Variants in PKP2 observed in about 807,000 individuals in gnomAD.
The protein encoded by PKP2 is plakophilin-2.
PKP2 carries 73 observed loss-of-function variants against 83.4 expected under a neutral mutation model. The observed-to-expected ratio is 0.88, with a 90% CI of 0.72 to 1.06. The LOEUF is 1.06. PKP2 is among the 50% of genes least tolerant of loss of function. The pLI, the probability that PKP2 is intolerant of heterozygous loss-of-function variation, is 0.00. For synonymous variants in PKP2, 409 were observed against 430.4 expected, an observed-to-expected ratio of 0.95 and a Z score of 0.62; for missense variants, 966 against 1,065.4, an observed-to-expected ratio of 0.91 and a Z score of 1.30.
Position 32,878,022 on chromosome 12 carries a change from G to T in PKP2, c.858C>A (p.Ser286=). The change falls in exon 3 of 13, where the codon TCC becomes TCA. Residue 286 remains serine, a synonymous_variant. Transcript: ENST00000340811. The part of the protein sequence containing the change: ...PLQPVTQNRA[S]RSSWHQSSFH... ...AGGAGCTCTGATGCCAGGAGGACCT[G>T]GAAGCCCTGTTCTGAGTGACGGGCT... The T allele has an allele frequency of 6.2e-7, 1 of 1,613,976 alleles. No individual in the cohort carries two copies. The highest frequency in any genetic ancestry group is 8.5e-7 in the Non-Finnish European group (1 of 1,180,038).
At chr12:32,858,163 A>T (rs1426945440) in intron 4 of PKP2, among the ~76,000 whole-genome samples, 1 of 135,380 alleles carries the variant, frequency 7.4e-6, no homozygotes, top group Non-Finnish European at 1.6e-5. Context: ...AATATATATA[A>T]AAGCCAGGCG....
At chr12:32,869,619 A>G (rs1956880762) in intron 3 of PKP2, among the ~76,000 whole-genome samples, 1 of 151,308 alleles carries the variant, frequency 6.6e-6, no homozygotes, top group Non-Finnish European at 1.5e-5. Context: ...AAAAGAAAGA[A>G]AAAAGATAAA....
rs71457661 is a variant in PKP2 at position 32,890,036 on chromosome 12, A to G, written c.223+6473T>C. 6.2e-3 allele frequency among the ~76,000 whole-genome samples: 795 copies of G among 128,456 alleles called. 12 individuals carry two copies. Among genetic ancestry groups the G allele is most frequent in the African/African-American group, 0.022 (766 of 34,402 alleles). 84.3% of individuals were successfully genotyped at this position (128,456 alleles called of 152,430 possible). On this transcript the variant is annotated intron_variant, in intron 1 of 12. Transcript: ENST00000340811. ...GGTTGCAGTGAGCCGAGATTGTGCC[A>G]CCGCACTCCAGCCTGGGCATAGAGC...
chr12:32,812,882 A>T lies in PKP2; in HGVS notation c.2013+8474T>A, dbSNP rs530826615. Among the ~76,000 whole-genome samples, 3 of 152,344 alleles carry T rather than the reference A, an allele frequency of 2.0e-5. No homozygotes were observed. The East Asian group carries it at 5.8e-4, about 29-fold the overall frequency. Reference sequence around the variant, plus strand: ...CCAATTGACTTTCTGTAACCCACTTATAAGTTTGGATGTATATTCAGTCAA... The same window carrying T: ...CCAATTGACTTTCTGTAACCCACTTTTAAGTTTGGATGTATATTCAGTCAA... On this transcript the variant is annotated intron_variant, in intron 9 of 12. Coordinates refer to ENST00000340811, the MANE Select transcript of PKP2 (RefSeq NM_001005242.3).
intron 6 of PKP2, among the ~76,000 whole-genome samples, chr12:32,826,246 C>T (rs1956439890): frequency 1.4e-5 from 2 of 141,970 alleles, no homozygotes; most frequent in Admixed American, 7.5e-5. Flanking sequence ...GTGGAGCTTG[C>T]AGTGAGCCGA....
chr12:32,795,793 T>C (rs1253186151), intron 11 of PKP2, among the ~76,000 whole-genome samples: 1 of 152,208 alleles, frequency 6.6e-6, no homozygotes, highest in Non-Finnish European at 1.5e-5. Flanking sequence ...TCTGCTGTTA[T>C]TAAATCACAG....
At chr12:32,854,260 C>A (rs1214580807) in intron 4 of PKP2, among the ~76,000 whole-genome samples, 2 of 152,190 alleles carry the variant, frequency 1.3e-5, no homozygotes, top group Non-Finnish European at 2.9e-5. Flanking sequence ...ACCTTTATCA[C>A]CTTGGCTTTC....
At chr12:32,874,336 A>C (rs1956916122) in intron 3 of PKP2, among the ~76,000 whole-genome samples, 1 of 152,150 alleles carries the variant, frequency 6.6e-6, no homozygotes, top group Admixed American at 6.5e-5. Flanking sequence ...CGTGGAGCCC[A>C]GCAGAGGAAA....
intron 6 of PKP2, among the ~76,000 whole-genome samples, chr12:32,838,902 A>G (rs1234128533): frequency 4.6e-5 from 7 of 152,248 alleles, no homozygotes; most frequent in Non-Finnish European, 1.0e-4. Flanking sequence ...GAAGCTGGAA[A>G]ATGTTTCATA....
chr12:32,835,919 A>G (rs1480401454), intron 6 of PKP2, among the ~76,000 whole-genome samples: 2 of 152,160 alleles, frequency 1.3e-5, no homozygotes, highest in African/African-American at 2.4e-5. Context: ...TGTTGAGACT[A>G]CTGGCACACA....
At chr12:32,846,177 C>T (rs989466043) in intron 5 of PKP2, among the ~76,000 whole-genome samples, 7 of 152,056 alleles carry the variant, frequency 4.6e-5, no homozygotes, top group Non-Finnish European at 8.8e-5. Flanking sequence ...ATGACTTGTC[C>T]GTTTTAATCC....
At chr12:32,837,479 T>C (rs1344614434) in intron 6 of PKP2, among the ~76,000 whole-genome samples, 1 of 152,120 alleles carries the variant, frequency 6.6e-6, no homozygotes, top group Non-Finnish European at 1.5e-5. Flanking sequence ...CAACAATAAA[T>C]GTTAGCTATT....
At chr12:32,857,229 G>A (rs750058769) in intron 4 of PKP2, among the ~76,000 whole-genome samples, 4 of 152,210 alleles carry the variant, frequency 2.6e-5, no homozygotes, top group Non-Finnish European at 4.4e-5. Flanking sequence ...TTTGAGACCA[G>A]CCTGGGCAAT....
rs1247883947 is a variant in PKP2 at position 32,896,627 on chromosome 12, C to T, written c.105G>A (p.Glu35=). 9 of 1,581,404 alleles carry T rather than the reference C, an allele frequency of 5.7e-6. No individual in the cohort carries two copies. The East Asian group carries it at 1.4e-4, about 24-fold the overall frequency. The change falls in exon 1 of 13, where the codon GAG becomes GAA. Residue 35 remains glutamate (E), a synonymous_variant. Coordinates refer to ENST00000340811, the MANE Select transcript of PKP2 (RefSeq NM_001005242.3). ...LDSSSLALPS[E]AKLKLAGSSG... is the part of the protein sequence containing the mutation. Reference sequence around the variant, plus strand: ...TGCTCCCCGCCAGCTTCAGCTTGGCCTCGGAGGGCAGCGCCAGGCTGGAGC... The same window carrying T: ...TGCTCCCCGCCAGCTTCAGCTTGGCTTCGGAGGGCAGCGCCAGGCTGGAGC...
chr12:32,874,987 G>A (rs1327234593), intron 3 of PKP2, among the ~76,000 whole-genome samples: 5 of 152,184 alleles, frequency 3.3e-5, no homozygotes, highest in East Asian at 1.9e-4. Context: ...GGGCTCAAGC[G>A]ATCCTCCAGC....
At chr12:32,841,274 T>C (rs1956589365) in intron 5 of PKP2, 69 bp from the exon 6 acceptor site, 2 of 1,299,294 alleles carry the variant, frequency 1.5e-6, no homozygotes, top group South Asian at 1.2e-5. Context: ...AAAAGTTCAG[T>C]CAAGGCCATC....
intron 10 of PKP2, among the ~76,000 whole-genome samples, chr12:32,801,883 A>ATTT (rs1956182769): frequency 6.6e-6 from 1 of 152,180 alleles, no homozygotes; most frequent in Non-Finnish European, 1.5e-5. Flanking sequence ...TCCATGCCAA[A>ATTT]TTTGCTATAT....
intron 9 of PKP2, among the ~76,000 whole-genome samples, chr12:32,809,305 C>G (rs550433277): frequency 2.6e-4 from 40 of 152,222 alleles, no homozygotes; most frequent in Admixed American, 4.6e-4. Context: ...TGGGCACAAT[C>G]TGGCACAGCA....
Position 32,845,192 on chromosome 12 carries a change from A to T in PKP2, c.1379-3987T>A, listed in dbSNP as rs554996908. ...TCCATTAGCCAGAAATTTACTGCCA[A>T]CCGTGATGTTTGTAAAAAATAGCTA... On this transcript the variant is annotated intron_variant, in intron 5 of 12. Coordinates refer to ENST00000340811, the MANE Select transcript of PKP2 (RefSeq NM_001005242.3). Among the ~76,000 whole-genome samples, 51 of 152,322 alleles carry T rather than the reference A, an allele frequency of 3.3e-4. No individual in the cohort carries two copies. In the South Asian group the frequency reaches 0.011, roughly 32 times the overall value.
Sources: allele counts gnomAD v4.1 joint callset (sites outside exome capture counted in the v4.1 genomes callset), GRCh38; gene constraint gnomAD v4.1.1; transcripts MANE v1.5; gene names NCBI Gene and HGNC (gene_info 2026-07-23, HGNC 2026-07-21).